UGGT2: variants seen among roughly 807,000 people sequenced by gnomAD.
UGGT2 encodes UDP-glucose glycoprotein glucosyltransferase 2.
UGGT2 carries 180 observed loss-of-function variants against 192.1 expected under a neutral mutation model. The ratio of observed to expected loss-of-function variants is 0.94; its 90% CI spans 0.83 to 1.06. UGGT2 has a LOEUF of 1.06. Ranked by LOEUF, UGGT2 falls within the 50% of genes least tolerant of loss-of-function variation. The pLI, the probability that UGGT2 is intolerant of heterozygous loss-of-function variation, is 0.00. For missense variants in UGGT2, 1,849 were observed against 1,795.7 expected, an observed-to-expected ratio of 1.03 and a Z score of -0.54; for synonymous variants, 580 against 591.0, an observed-to-expected ratio of 0.98 and a Z score of 0.27.
chr13:95,989,986 G>A lies in UGGT2; in HGVS notation c.918C>T (p.Val306=). 6.2e-7 allele frequency: 1 copy of A among 1,605,608 alleles called. No individual in the cohort carries two copies. Among genetic ancestry groups the A allele is most frequent in the South Asian group, 1.1e-5 (1 of 89,770 alleles). Residue 306 remains valine (V), a synonymous_variant, in exon 8 of 39, where the codon GTC becomes GTT. Coordinates refer to ENST00000376747, the MANE Select transcript of UGGT2 (RefSeq NM_020121.4). ...AAAATACTATACCTTGTAGTTCCCA[G>A]ACTTTCAAAGGCATCATTTGTTTGT... ...ESNKQMMPLK[V]WELQDLSFQA... is the part of the protein sequence containing the mutation.
At chr13:95,964,729 C>A (rs570280282) in intron 12 of UGGT2, among the ~76,000 whole-genome samples, 22 of 152,096 alleles carry the variant, frequency 1.4e-4, no homozygotes, top group East Asian at 7.7e-4. Flanking sequence ...GCAACAAAAG[C>A]CAAAATTGAC....
chr13:95,936,835 C>T (rs1315877619), intron 17 of UGGT2, 89 bp downstream of exon 17: 10 of 1,229,164 alleles, frequency 8.1e-6, no homozygotes, highest in South Asian at 1.9e-5. Flanking sequence ...AATTTTTTAC[C>T]AAATCAACTT....
intron 24 of UGGT2, among the ~76,000 whole-genome samples, chr13:95,894,174 T>C (rs1479127651): frequency 6.6e-6 from 1 of 152,140 alleles, no homozygotes; most frequent in Non-Finnish European, 1.5e-5. Flanking sequence ...GTGTTTAGCT[T>C]TGTGACAGAG....
Position 95,847,639 on chromosome 13 carries a change from ATTTCTT to A in UGGT2, c.4284+5898_4284+5903del, listed in dbSNP as rs1402796876. Among the ~76,000 whole-genome samples, 12 of 152,126 alleles carry A rather than the reference ATTTCTT, an allele frequency of 7.9e-5. No individual in the cohort carries two copies. In the East Asian group the frequency reaches 2.3e-3, roughly 29 times the overall value. On this transcript the variant is annotated intron_variant, in intron 36 of 38. Transcript: ENST00000376747. ...TTGTCTTTTCATGGCTTAATAGCTC[ATTTCTT>A]TTTAACTCTTAATAATATTCCATGG...
At position 95,979,179 on chromosome 13, in the gene UGGT2, A is replaced by G. The variant is rs111386681; in HGVS notation, c.1092+4625T>C. 6.7e-4 allele frequency among the ~76,000 whole-genome samples: 102 copies of G among 152,286 alleles called. 1 individual carries two copies. Among genetic ancestry groups the G allele is most frequent in the African/African-American group, 2.1e-3 (87 of 41,572 alleles). On this transcript the variant is annotated intron_variant, in intron 10 of 38. Transcript: ENST00000376747. ...AACAAAGACGTATGTTGGGTTGACA[A>G]TTTAAAATCACCAAAAGCAGATTCT...
intron 17 of UGGT2, among the ~76,000 whole-genome samples, chr13:95,933,878 G>T (rs2049372345): frequency 6.6e-6 from 1 of 152,024 alleles, no homozygotes; most frequent in South Asian, 2.1e-4. Context: ...TAGAGATGGG[G>T]TTTCACTGTG....
intron 30 of UGGT2, among the ~76,000 whole-genome samples, chr13:95,865,895 A>G (rs1890610544): frequency 6.6e-6 from 1 of 152,196 alleles, no homozygotes; most frequent in South Asian, 2.1e-4. Flanking sequence ...TGTAAGGTAT[A>G]TTCTATTGTT....
intron 10 of UGGT2, among the ~76,000 whole-genome samples, chr13:95,979,588 G>A (rs1372933161): frequency 7.2e-6 from 1 of 138,318 alleles, no homozygotes; most frequent in East Asian, 2.2e-4. Flanking sequence ...AGAATGCCCT[G>A]CCAACTTTTT....
chr13:95,965,631 T>TC (rs566409757), intron 12 of UGGT2, among the ~76,000 whole-genome samples: 3,800 of 150,232 alleles, frequency 0.025, 63 homozygotes, highest in Non-Finnish European at 0.033. Flanking sequence ...TTAGGTGATA[T>TC]ACCTAATGCT....
intron 10 of UGGT2, 105 bp from the exon 11 acceptor site, chr13:95,972,776 G>C: frequency 3.7e-6 from 3 of 806,872 alleles, no homozygotes; most frequent in Non-Finnish European, 5.9e-6. Flanking sequence ...AAATATTTTA[G>C]GTTTGGCAGG....
chr13:96,041,574 G>T (rs2053165091), intron 1 of UGGT2, among the ~76,000 whole-genome samples: 1 of 152,190 alleles, frequency 6.6e-6, no homozygotes, highest in African/African-American at 2.4e-5. Context: ...TGCATTTGCA[G>T]CTGGGAGGCT....
At chr13:95,921,899 C>T (rs1289924413) in intron 20 of UGGT2, among the ~76,000 whole-genome samples, 1 of 152,138 alleles carries the variant, frequency 6.6e-6, no homozygotes, top group African/African-American at 2.4e-5. Flanking sequence ...ACAGAACTAC[C>T]ATTTGACCCA....
At chr13:95,877,133 C>T (rs1032738148) in intron 29 of UGGT2, 146 bp downstream of exon 29, 5 of 587,552 alleles carry the variant, frequency 8.5e-6, no homozygotes, top group Admixed American at 7.3e-5. Flanking sequence ...CTGCCTGCCT[C>T]GGCCTACCAA....
At position 95,863,997 on chromosome 13, in the gene UGGT2, G is replaced by A. The variant is rs536276477; in HGVS notation, c.3559-283C>T. On this transcript the variant is annotated intron_variant, in intron 30 of 38. Coordinates refer to ENST00000376747, the MANE Select transcript of UGGT2 (RefSeq NM_020121.4). ...TATCAGCTTTAGGCATTATCTACTAGTATTTCTGAATTCAGAGTTTAGACA... is the reference window on the plus strand; with the variant it reads ...TATCAGCTTTAGGCATTATCTACTAATATTTCTGAATTCAGAGTTTAGACA... 1.7e-3 allele frequency among the ~76,000 whole-genome samples: 263 copies of A among 152,178 alleles called. 2 individuals carry two copies. Among genetic ancestry groups the A allele is most frequent in the Admixed American group, 3.8e-3 (58 of 15,286 alleles).
At chr13:95,924,048 G>C (rs1455315007) in intron 20 of UGGT2, among the ~76,000 whole-genome samples, 2 of 152,136 alleles carry the variant, frequency 1.3e-5, no homozygotes, top group Non-Finnish European at 1.5e-5. Flanking sequence ...CCAACAGATA[G>C]CATTTTGGGA....
intron 38 of UGGT2, among the ~76,000 whole-genome samples, chr13:95,831,135 G>A (rs1886634051): frequency 1.3e-5 from 2 of 152,020 alleles, no homozygotes; most frequent in South Asian, 4.1e-4. Context: ...TTGTGGGGTG[G>A]GGGTAGGGGG....
At chr13:95,948,664 C>T (rs2049960034) in intron 13 of UGGT2, among the ~76,000 whole-genome samples, 1 of 152,130 alleles carries the variant, frequency 6.6e-6, no homozygotes, top group African/African-American at 2.4e-5. Context: ...AATTACTACA[C>T]TTTAATCATT....
intron 27 of UGGT2, among the ~76,000 whole-genome samples, chr13:95,880,242 A>G (rs1566629086): frequency 6.6e-6 from 1 of 152,244 alleles, no homozygotes; most frequent in Non-Finnish European, 1.5e-5. Context: ...TAAATATGTT[A>G]ATCTAGTATT....
chr13:96,035,138 G>A (rs1289359325), intron 1 of UGGT2, among the ~76,000 whole-genome samples: 11 of 152,160 alleles, frequency 7.2e-5, no homozygotes, highest in Non-Finnish European at 1.2e-4. Flanking sequence ...CAAAGCTGGA[G>A]GCATCATGCT....
Sources: gnomAD v4.1 joint callset for allele counts (sites outside exome capture counted in the v4.1 genomes callset) on GRCh38, gnomAD v4.1.1 for gene constraint, MANE v1.5 for transcripts, NCBI Gene and HGNC (gene_info 2026-07-23, HGNC 2026-07-21) for gene names.